The following GALNTL6 variants were observed in gnomAD, a reference collection of about 807,000 sequenced individuals.
GALNTL6 encodes the protein polypeptide N-acetylgalactosaminyltransferase-like 6.
A neutral mutation model predicts 73.7 loss-of-function variants in GALNTL6; 46 were observed. The ratio of observed to expected loss-of-function variants is 0.62; its 90% CI spans 0.49 to 0.80. The LOEUF is 0.80. GALNTL6 is among the 30% of genes least tolerant of loss of function. The pLI, the probability that GALNTL6 is intolerant of heterozygous loss-of-function variation, is 0.00. For missense variants in GALNTL6, 604 were observed against 755.0 expected (o/e 0.80, Z 2.34); for synonymous variants, 259 against 263.7 (o/e 0.98, Z 0.17).
At chr4:171,964,567 C>T (rs1337492746) in intron 2 of GALNTL6, among the ~76,000 whole-genome samples, 4 of 152,050 alleles carry the variant, frequency 2.6e-5, no homozygotes, top group Admixed American at 1.3e-4. Context: ...TTTCTTGTTC[C>T]CCGAACATAC....
At chr4:172,848,509 A>G (rs893087239) in intron 7 of GALNTL6, among the ~76,000 whole-genome samples, 7 of 152,176 alleles carry the variant, frequency 4.6e-5, no homozygotes, top group Admixed American at 1.3e-4. Context: ...ATGAATGAAT[A>G]GACAGGGGAA....
intron 2 of GALNTL6, among the ~76,000 whole-genome samples, chr4:171,856,406 C>T (rs1005478164): frequency 6.6e-6 from 1 of 152,076 alleles, no homozygotes; most frequent in African/African-American, 2.4e-5. Flanking sequence ...TGAGCCACCC[C>T]ACCCTGCTGA....
chr4:171,982,028 CTATT>C (rs1739911924), intron 2 of GALNTL6, among the ~76,000 whole-genome samples: 1 of 152,008 alleles, frequency 6.6e-6, no homozygotes, highest in African/African-American at 2.4e-5. Flanking sequence ...TATAGTCAGT[CTATT>C]AAGGAGTGAA....
At chr4:172,753,191 T>C (rs1316947459) in intron 5 of GALNTL6, among the ~76,000 whole-genome samples, 2 of 152,152 alleles carry the variant, frequency 1.3e-5, no homozygotes, top group African/African-American at 2.4e-5. Context: ...GATGGTTCTA[T>C]AAAGGCAAAA....
chr4:172,553,087 G>T (rs930434747), intron 5 of GALNTL6, among the ~76,000 whole-genome samples: 7 of 151,962 alleles, frequency 4.6e-5, no homozygotes, highest in Non-Finnish European at 1.0e-4. Context: ...TTCCATATTG[G>T]TTAATGATTA....
At chr4:171,827,047 C>T (rs991948666) in intron 2 of GALNTL6, among the ~76,000 whole-genome samples, 1 of 152,044 alleles carries the variant, frequency 6.6e-6, no homozygotes, top group African/African-American at 2.4e-5. Flanking sequence ...AACTTGAGAA[C>T]AGCCACCTGG....
At chr4:172,849,166 G>C (rs764962347) in intron 7 of GALNTL6, among the ~76,000 whole-genome samples, 2 of 152,152 alleles carry the variant, frequency 1.3e-5, no homozygotes, top group East Asian at 3.8e-4. Context: ...TGTAGGACAA[G>C]ACAGATTTCA....
At chr4:172,593,875 A>C (rs1473878691) in intron 5 of GALNTL6, among the ~76,000 whole-genome samples, 1 of 152,074 alleles carries the variant, frequency 6.6e-6, no homozygotes, top group Non-Finnish European at 1.5e-5. Flanking sequence ...GATTATAGGC[A>C]TGTGCCACCA....
intron 12 of GALNTL6, among the ~76,000 whole-genome samples, chr4:173,026,973 T>G (rs1382265109): frequency 2.0e-5 from 3 of 152,200 alleles, no homozygotes; most frequent in African/African-American, 7.2e-5. Context: ...CCCTGATATA[T>G]CTGTATATCT....
At position 172,042,864 on chromosome 4, in the gene GALNTL6, TAAAAAAAA is replaced by T. The variant is rs397996272; in HGVS notation, c.139-186772_139-186765del. ...GTTCTATCCGAGCAATCTTTAACAG[TAAAAAAAA>T]AAAAAAAAAAAAAAAAAAAGGTAAT... On this transcript the variant is annotated intron_variant, in intron 2 of 12. Transcript: ENST00000506823. 4.3e-4 allele frequency among the ~76,000 whole-genome samples: 19 copies of T among 44,404 alleles called. No individual in the cohort carries two copies. The East Asian group carries it at 5.9e-3, about 14-fold the overall frequency. The allele number at this position is 44,404 out of a possible 152,430, so 29.1% of individuals were successfully genotyped here. A position where few individuals can be genotyped will look rare whatever the true frequency, so the allele number is the denominator to read the frequency against.
At chr4:172,157,553 G>A (rs185972738) in intron 2 of GALNTL6, among the ~76,000 whole-genome samples, 1 of 152,200 alleles carries the variant, frequency 6.6e-6, no homozygotes, top group Non-Finnish European at 1.5e-5. Context: ...ATGAATACAA[G>A]GTTAGAAGAC....
chr4:172,678,079 C>A (rs1317296259), intron 5 of GALNTL6, among the ~76,000 whole-genome samples: 1 of 152,140 alleles, frequency 6.6e-6, no homozygotes, highest in Non-Finnish European at 1.5e-5. Flanking sequence ...TGCAACCAAG[C>A]CCCCACATAG....
Position 172,405,419 on chromosome 4 carries a change from A to G in GALNTL6, c.553+56730A>G, listed in dbSNP as rs1744176596. 2.6e-3 allele frequency among the ~76,000 whole-genome samples: 4 copies of G among 1,548 alleles called. No homozygotes were observed. In the South Asian group the frequency reaches 0.11, roughly 43 times the overall value. 1.0% of individuals were successfully genotyped at this position (1,548 alleles called of 152,430 possible). A position where few individuals can be genotyped will look rare whatever the true frequency, so the allele number is the denominator to read the frequency against. On this transcript the variant is annotated intron_variant, in intron 5 of 12. Coordinates refer to ENST00000506823, the MANE Select transcript of GALNTL6 (RefSeq NM_001034845.3). ...TTATACTTGATATATATATATATAT[A>G]TATATATATATATATATATATATAT...
At chr4:172,513,566 G>A (rs1252625269) in intron 5 of GALNTL6, among the ~76,000 whole-genome samples, 1 of 152,126 alleles carries the variant, frequency 6.6e-6, no homozygotes, top group Non-Finnish European at 1.5e-5. Context: ...GGAAAGATCT[G>A]GGACTCAAAA....
intron 8 of GALNTL6, among the ~76,000 whole-genome samples, chr4:172,929,941 A>G (rs574035841): frequency 1.3e-5 from 2 of 152,360 alleles, no homozygotes; most frequent in African/African-American, 2.4e-5. Flanking sequence ...GAAGGTTGTC[A>G]TGGTAAAATA....
At chr4:172,166,734 TC>T (rs1180513699) in intron 2 of GALNTL6, among the ~76,000 whole-genome samples, 1 of 152,232 alleles carries the variant, frequency 6.6e-6, no homozygotes, top group Non-Finnish European at 1.5e-5. Context: ...TTTATATCTT[TC>T]TTTGCCTCCA....
rs1753872319 is a variant in GALNTL6 at position 173,041,042 on chromosome 4, AT to A, written c.*945del. 1 of 152,192 alleles carries A rather than the reference AT, an allele frequency of 6.6e-6. No individual in the cohort carries two copies. Among genetic ancestry groups the A allele is most frequent in the Non-Finnish European group, 1.5e-5 (1 of 68,032 alleles). The allele number at this position is 152,192 out of a possible 1,614,324, so 9.4% of individuals were successfully genotyped here. On this transcript the variant is annotated 3_prime_UTR_variant, in exon 13 of 13. Coordinates refer to ENST00000506823, the MANE Select transcript of GALNTL6 (RefSeq NM_001034845.3). ...AAGGAAATGGAGTGAGTTTGATGTA[AT>A]TTGTTTAGGAGATTCTTAAACCCAA... is the stretch of plus-strand genomic sequence containing the variant.
intron 2 of GALNTL6, among the ~76,000 whole-genome samples, chr4:171,908,307 A>T (rs1490081533): frequency 6.6e-6 from 1 of 151,670 alleles, no homozygotes; most frequent in Non-Finnish European, 1.5e-5. Flanking sequence ...AAGAAAAAAA[A>T]CAAACAAACC....
chr4:172,491,964 G>T (rs957227322), intron 5 of GALNTL6, among the ~76,000 whole-genome samples: 3 of 152,224 alleles, frequency 2.0e-5, no homozygotes, highest in Admixed American at 6.5e-5. Context: ...ATGGAAGGCT[G>T]AAATTTCATT....
Sources: allele counts gnomAD v4.1 joint callset (sites outside exome capture counted in the v4.1 genomes callset), GRCh38; gene constraint gnomAD v4.1.1; transcripts MANE v1.5; gene names NCBI Gene and HGNC (gene_info 2026-07-23, HGNC 2026-07-21).